Variants in MECOM observed in about 807,000 individuals in gnomAD.
MECOM encodes the protein MDS1 and EVI1 complex locus.
Under a neutral mutation model 116.3 loss-of-function variants are expected in MECOM, and 13 were observed. That is an observed-to-expected ratio of 0.11 (90% confidence interval 0.07 to 0.18). The LOEUF is 0.18. MECOM is among the 10% of genes least tolerant of loss of function. The probability of loss-of-function intolerance (pLI) is 1.00; values close to 1 mark genes in which losing one functional copy is unlikely to be tolerated. For missense variants in MECOM, 1,299 were observed against 1,509.0 expected, an observed-to-expected ratio of 0.86 and a Z score of 2.31; for synonymous variants, 528 against 535.2, an observed-to-expected ratio of 0.99 and a Z score of 0.19.
At chr3:169,647,976 T>G (rs1438541636) in intron 1 of MECOM, among the ~76,000 whole-genome samples, 3 of 151,898 alleles carry the variant, frequency 2.0e-5, no homozygotes, top group Non-Finnish European at 4.4e-5. Context: ...TATACTGAAG[T>G]TTTGAGATGA....
intron 3 of MECOM, among the ~76,000 whole-genome samples, chr3:169,138,596 G>C (rs1200942233): frequency 6.6e-6 from 1 of 152,080 alleles, no homozygotes; most frequent in Non-Finnish European, 1.5e-5. Context: ...GTATAAAAGT[G>C]GAACTTGACT....
chr3:169,524,137 T>C (rs190916308), intron 1 of MECOM, among the ~76,000 whole-genome samples: 1 of 151,154 alleles, frequency 6.6e-6, no homozygotes, highest in Admixed American at 6.6e-5. Flanking sequence ...CCTGAACCTA[T>C]CAATAAGAAA....
At position 169,594,933 on chromosome 3, in the gene MECOM, G is replaced by A. The variant is rs571849920; in HGVS notation, c.37+68403C>T. Among the ~76,000 whole-genome samples the A allele has an allele frequency of 3.3e-5, 5 of 150,680 alleles. No homozygotes were observed. The South Asian group carries it at 1.1e-3, about 32-fold the overall frequency. On this transcript the variant is annotated intron_variant, in intron 1 of 16. Coordinates refer to ENST00000651503, the MANE Select transcript of MECOM (RefSeq NM_004991.4). ...TCTATATTCTAAAATTAATGGGGGA[G>A]GGAGGGCTGGACTGATTTAATTTAG...
At chr3:169,650,646 A>G (rs1774776896) in intron 1 of MECOM, among the ~76,000 whole-genome samples, 1 of 152,104 alleles carries the variant, frequency 6.6e-6, no homozygotes. Flanking sequence ...GAAGCCAAAG[A>G]TGCTTGGAAA....
At chr3:169,283,236 C>CCA (rs1712517765) in intron 2 of MECOM, among the ~76,000 whole-genome samples, 1 of 152,082 alleles carries the variant, frequency 6.6e-6, no homozygotes, top group Non-Finnish European at 1.5e-5. Flanking sequence ...GGCATGGTGG[C>CCA]TCATGCCTGT....
chr3:169,454,657 A>T (rs1050452410), intron 1 of MECOM, among the ~76,000 whole-genome samples: 18 of 152,304 alleles, frequency 1.2e-4, no homozygotes, highest in African/African-American at 3.6e-4. Context: ...AATGTAATTT[A>T]AAAAAATTCA....
chr3:169,191,741 A>G (rs1318367787), intron 2 of MECOM, among the ~76,000 whole-genome samples: 289 of 6,060 alleles, frequency 0.048, 6 homozygotes, highest in South Asian at 0.33. Context: ...AGAAAGAAAG[A>G]GAAAGAAAGA....
chr3:169,220,767 G>C (rs1024018566), intron 2 of MECOM, among the ~76,000 whole-genome samples: 2 of 152,154 alleles, frequency 1.3e-5, no homozygotes, highest in East Asian at 1.9e-4. Context: ...AAGCCACCGT[G>C]CCTGCCAATA....
intron 2 of MECOM, among the ~76,000 whole-genome samples, chr3:169,230,115 G>A (rs1456166103): frequency 6.6e-6 from 1 of 152,080 alleles, no homozygotes; most frequent in Admixed American, 6.6e-5. Context: ...TTTCTCAGGT[G>A]TCTTGAGGCA....
At chr3:169,541,006 A>G (rs1470167036) in intron 1 of MECOM, among the ~76,000 whole-genome samples, 1 of 152,218 alleles carries the variant, frequency 6.6e-6, no homozygotes, top group Non-Finnish European at 1.5e-5. Context: ...CTTCCAGTGC[A>G]TATCCTGAAT....
chr3:169,646,442 C>T (rs949666069), intron 1 of MECOM, among the ~76,000 whole-genome samples: 8 of 151,912 alleles, frequency 5.3e-5, no homozygotes, highest in African/African-American at 1.9e-4. Flanking sequence ...TGCACAGGTA[C>T]CCTAGAACTT....
intron 1 of MECOM, among the ~76,000 whole-genome samples, chr3:169,388,706 G>A (rs1270221670): frequency 6.6e-6 from 1 of 152,134 alleles, no homozygotes; most frequent in Non-Finnish European, 1.5e-5. Context: ...CTTAAATGGA[G>A]TGTTTGGACA....
intron 1 of MECOM, among the ~76,000 whole-genome samples, chr3:169,612,820 G>A (rs1769450154): frequency 6.6e-6 from 1 of 152,076 alleles, no homozygotes; most frequent in African/African-American, 2.4e-5. Flanking sequence ...ATCACCATTA[G>A]CACTGTCCTA....
chr3:169,218,105 T>C (rs1751648475), intron 2 of MECOM, among the ~76,000 whole-genome samples: 2 of 151,972 alleles, frequency 1.3e-5, no homozygotes, highest in African/African-American at 4.8e-5. Flanking sequence ...AGGTTGATAA[T>C]CCAGAAGAGA....
chr3:169,505,625 T>G (rs1755114536), intron 1 of MECOM, among the ~76,000 whole-genome samples: 1 of 152,246 alleles, frequency 6.6e-6, no homozygotes, highest in Admixed American at 6.5e-5. Context: ...ATTTCAAGTA[T>G]GCAATACAAT....
At chr3:169,231,921 C>A (rs548409544) in intron 2 of MECOM, among the ~76,000 whole-genome samples, 9 of 152,090 alleles carry the variant, frequency 5.9e-5, no homozygotes, top group African/African-American at 1.9e-4. Flanking sequence ...GCAGTAGGGG[C>A]TTTTACCTTC....
chr3:169,418,585 GATC>G (rs1739139101), intron 1 of MECOM, among the ~76,000 whole-genome samples: 1 of 152,168 alleles, frequency 6.6e-6, no homozygotes, highest in Non-Finnish European at 1.5e-5. Flanking sequence ...TGCAAGGCTA[GATC>G]ATCATACACA....
intron 14 of MECOM, 131 bp from the exon 15 acceptor site, chr3:169,090,367 A>T (rs1213033657): frequency 5.3e-6 from 4 of 758,916 alleles, no homozygotes; most frequent in Non-Finnish European, 8.3e-6. Flanking sequence ...TTTATTGTTT[A>T]TGCTCTACGT....
intron 1 of MECOM, among the ~76,000 whole-genome samples, chr3:169,499,932 C>T (rs778747624): frequency 6.6e-6 from 1 of 152,026 alleles, no homozygotes; most frequent in Non-Finnish European, 1.5e-5. Context: ...TTTTCTAAGG[C>T]TCTCTAGCCC....
Sources: gnomAD v4.1 joint callset for allele counts (sites outside exome capture counted in the v4.1 genomes callset) on GRCh38, gnomAD v4.1.1 for gene constraint, MANE v1.5 for transcripts, NCBI Gene and HGNC (gene_info 2026-07-23, HGNC 2026-07-21) for gene names.